The following UBE2E3 variants were observed in gnomAD, a reference collection of about 807,000 sequenced individuals.
The protein encoded by UBE2E3 is ubiquitin conjugating enzyme E2 E3.
A neutral mutation model predicts 23.6 loss-of-function variants in UBE2E3; 5 were observed. The observed-to-expected ratio is 0.21, with a 90% CI of 0.11 to 0.44. The LOEUF is 0.44. Among genes scored for constraint, UBE2E3 ranks in the 20% least tolerant of loss-of-function variants. UBE2E3 has a pLI of 0.99. For missense variants in UBE2E3, 81 were observed against 249.8 expected, an observed-to-expected ratio of 0.32 and a Z score of 4.55; for synonymous variants, 78 against 87.5, an observed-to-expected ratio of 0.89 and a Z score of 0.60.
At chr2:181,052,928 C>G (rs1686885117) in intron 3 of UBE2E3, among the ~76,000 whole-genome samples, 1 of 151,816 alleles carries the variant, frequency 6.6e-6, no homozygotes, top group Non-Finnish European at 1.5e-5. Flanking sequence ...TTCTATCTGG[C>G]TGATTGGTGG....
At chr2:181,016,368 C>T (rs1003396274) in intron 3 of UBE2E3, among the ~76,000 whole-genome samples, 1 of 152,078 alleles carries the variant, frequency 6.6e-6, no homozygotes, top group Non-Finnish European at 1.5e-5. Context: ...GCATGAGCCA[C>T]CATGCTTGGC....
chr2:181,063,091 A>G lies in UBE2E3; in HGVS notation c.*203A>G, dbSNP rs1687205340. 1 of 341,294 alleles carries G rather than the reference A, an allele frequency of 2.9e-6. No individual in the cohort carries two copies. Among genetic ancestry groups the G allele is most frequent in the African/African-American group, 2.1e-5 (1 of 46,830 alleles). 21.1% of individuals were successfully genotyped at this position (341,294 alleles called of 1,614,324 possible). A position where few individuals can be genotyped will look rare whatever the true frequency, so the allele number is the denominator to read the frequency against. ...TTGTAGCTGTAGATTAGTTATGTTT[A>G]AAACGCCTACTTGCAAGTCTTGCTT... On this transcript the variant is annotated 3_prime_UTR_variant, in exon 6 of 6. Transcript: ENST00000410062. This position sits in a 1 kb window ranked among gnomAD's most constrained non-coding sequence, Gnocchi z 4.1.
intron 3 of UBE2E3, among the ~76,000 whole-genome samples, chr2:180,995,342 A>G (rs1684792022): frequency 6.6e-6 from 1 of 152,188 alleles, no homozygotes; most frequent in Non-Finnish European, 1.5e-5. Context: ...CATTTCAGAC[A>G]AGCTTACAAT....
intron 3 of UBE2E3, among the ~76,000 whole-genome samples, chr2:181,038,366 A>G (rs192886870): frequency 7.2e-4 from 110 of 152,328 alleles, no homozygotes; most frequent in Admixed American, 3.4e-3. Flanking sequence ...GCTTTGTGTA[A>G]ATACGCTATG....
At chr2:181,005,346 A>G (rs1190062713) in intron 3 of UBE2E3, among the ~76,000 whole-genome samples, 2 of 152,168 alleles carry the variant, frequency 1.3e-5, no homozygotes, top group Non-Finnish European at 2.9e-5. Context: ...CAGAAGTCTA[A>G]TGCATTTCAT....
At chr2:180,999,552 G>A (rs1216713595) in intron 3 of UBE2E3, among the ~76,000 whole-genome samples, 2 of 152,024 alleles carry the variant, frequency 1.3e-5, no homozygotes, top group South Asian at 2.1e-4. Context: ...CTTTCCCAGC[G>A]GCGTATGAGG....
chr2:181,060,623 C>T, intron 4 of UBE2E3, 42 bp from the exon 5 acceptor site: 1 of 1,524,170 alleles, frequency 6.6e-7, no homozygotes, highest in Non-Finnish European at 8.8e-7. Flanking sequence ...ATTGGTAATA[C>T]AGCATTCATT....
chr2:181,038,565 A>C (rs1434747633), intron 3 of UBE2E3, among the ~76,000 whole-genome samples: 1 of 152,258 alleles, frequency 6.6e-6, no homozygotes, highest in Non-Finnish European at 1.5e-5. Context: ...GGATTAAGTA[A>C]AAATCTCTTA....
chr2:180,994,247 C>G (rs1476555390), intron 3 of UBE2E3, among the ~76,000 whole-genome samples: 2 of 152,104 alleles, frequency 1.3e-5, no homozygotes, highest in Non-Finnish European at 2.9e-5. Context: ...CTTTTCCCTT[C>G]TGCCGAGGTT....
chr2:181,039,859 C>T (rs531087219), intron 3 of UBE2E3, among the ~76,000 whole-genome samples: 1 of 152,220 alleles, frequency 6.6e-6, no homozygotes, highest in Non-Finnish European at 1.5e-5. Context: ...TGCATATAAC[C>T]TATGTATATC....
At chr2:180,987,271 G>T in intron 3 of UBE2E3, 1 of 1,511,790 alleles carries the variant, frequency 6.6e-7, no homozygotes, top group South Asian at 1.2e-5. Context: ...TGTATTTATT[G>T]AGAATTGTTG....
chr2:181,045,653 G>A (rs1686652088), intron 3 of UBE2E3, among the ~76,000 whole-genome samples: 1 of 152,104 alleles, frequency 6.6e-6, no homozygotes, highest in African/African-American at 2.4e-5. Context: ...TATTGGGTAA[G>A]TTTTTAAACT....
intron 3 of UBE2E3, among the ~76,000 whole-genome samples, chr2:181,015,183 A>G (rs1685448202): frequency 6.6e-6 from 1 of 152,228 alleles, no homozygotes; most frequent in Non-Finnish European, 1.5e-5. Flanking sequence ...GTGGAATCCT[A>G]TACATGTGAA....
chr2:181,027,933 A>T (rs956524630), intron 3 of UBE2E3, among the ~76,000 whole-genome samples: 1 of 152,040 alleles, frequency 6.6e-6, no homozygotes, highest in South Asian at 2.1e-4. Flanking sequence ...CAGTAACACA[A>T]TACTGATGAT....
chr2:181,059,029 C>T (rs999489902), intron 4 of UBE2E3, among the ~76,000 whole-genome samples: 8 of 151,668 alleles, frequency 5.3e-5, no homozygotes, highest in Non-Finnish European at 1.0e-4. Flanking sequence ...GAATTTCACA[C>T]TATATAGTAC....
intron 3 of UBE2E3, among the ~76,000 whole-genome samples, chr2:181,003,357 A>G (rs550826940): frequency 1.1e-4 from 16 of 152,362 alleles, no homozygotes; most frequent in Non-Finnish European, 2.4e-4. Context: ...CTCATGTTTC[A>G]GATGACCTCT....
At chr2:181,032,239 AAAAGT>A (rs765837336) in intron 3 of UBE2E3, among the ~76,000 whole-genome samples, 19 of 152,230 alleles carry the variant, frequency 1.2e-4, no homozygotes, top group Non-Finnish European at 2.9e-5. Context: ...ATTTCAAAGG[AAAAGT>A]AAAATAGAAT....
At chr2:180,991,390 A>G (rs535852820) in intron 3 of UBE2E3, among the ~76,000 whole-genome samples, 1 of 152,346 alleles carries the variant, frequency 6.6e-6, no homozygotes, top group African/African-American at 2.4e-5. Context: ...TCCCATTGGC[A>G]TATCCAAACT....
At chr2:181,037,067 C>T (rs1271930913) in intron 3 of UBE2E3, among the ~76,000 whole-genome samples, 1 of 152,030 alleles carries the variant, frequency 6.6e-6, no homozygotes, top group Admixed American at 6.6e-5. Flanking sequence ...AATGGTGGTT[C>T]CAGAAGATTA....
Sources: gnomAD v4.1 joint callset for allele counts (sites outside exome capture counted in the v4.1 genomes callset) on GRCh38, gnomAD v4.1.1 for gene constraint, Gnocchi (gnomAD v3.1) non-coding constraint, MANE v1.5 for transcripts, NCBI Gene and HGNC (gene_info 2026-07-23, HGNC 2026-07-21) for gene names.